GRAMD1B: variants seen among roughly 807,000 people sequenced by gnomAD.
GRAMD1B encodes the protein protein Aster-B.
GRAMD1B carries 37 observed loss-of-function variants against 99.7 expected under a neutral mutation model. The ratio of observed to expected loss-of-function variants is 0.37; its 90% CI spans 0.29 to 0.49. The LOEUF (loss-of-function observed/expected upper bound fraction) is 0.49. Ranked by LOEUF, GRAMD1B falls within the 20% of genes least tolerant of loss-of-function variation. The pLI, the probability that GRAMD1B is intolerant of heterozygous loss-of-function variation, is 0.98. For missense variants in GRAMD1B, 888 were observed against 1,009.2 expected, an observed-to-expected ratio of 0.88 and a Z score of 1.63; for synonymous variants, 427 against 387.6, an observed-to-expected ratio of 1.10 and a Z score of -1.19.
At chr11:123,524,083 T>A (rs115457608) in intron 2 of GRAMD1B, among the ~76,000 whole-genome samples, 2,257 of 152,272 alleles carry the variant, frequency 0.015, 58 homozygotes, top group African/African-American at 0.05. Flanking sequence ...CTGGACCACG[T>A]GGACATTGGA....
intron 2 of GRAMD1B, among the ~76,000 whole-genome samples, chr11:123,554,460 G>A: frequency 6.6e-6 from 1 of 151,192 alleles, no homozygotes; most frequent in East Asian, 1.9e-4. Flanking sequence ...CCGCCAAGGT[G>A]GGAGGATCGC....
intron 1 of GRAMD1B, among the ~76,000 whole-genome samples, chr11:123,359,453 G>A (rs1359608490): frequency 6.6e-6 from 1 of 152,068 alleles, no homozygotes; most frequent in Non-Finnish European, 1.5e-5. Context: ...GAAGGAATGA[G>A]AAGGTGTGGT....
At chr11:123,564,026 C>T (rs1177778089) in intron 2 of GRAMD1B, among the ~76,000 whole-genome samples, 1 of 152,192 alleles carries the variant, frequency 6.6e-6, no homozygotes, top group African/African-American at 2.4e-5. Context: ...GTTTGAATCC[C>T]AGCGGTCAGG....
intron 1 of GRAMD1B, among the ~76,000 whole-genome samples, chr11:123,442,724 C>G (rs192565571): frequency 1.3e-5 from 2 of 152,008 alleles, no homozygotes; most frequent in Admixed American, 1.3e-4. Context: ...GAGCCGAGAT[C>G]GCACCACTGC....
At chr11:123,378,899 G>A (rs1946779304) in intron 1 of GRAMD1B, among the ~76,000 whole-genome samples, 1 of 152,182 alleles carries the variant, frequency 6.6e-6, no homozygotes, top group Admixed American at 6.5e-5. Context: ...ACATCTAAAT[G>A]TAACAGGTGT....
At chr11:123,458,722 C>T (rs1950274309) in intron 1 of GRAMD1B, 1 of 148,750 alleles carries the variant, frequency 6.7e-6, no homozygotes, top group African/African-American at 2.5e-5. Flanking sequence ...CCTCTTCATA[C>T]TCCCCAATGT....
chr11:123,398,419 A>T (rs1947543985), intron 1 of GRAMD1B, among the ~76,000 whole-genome samples: 1 of 152,168 alleles, frequency 6.6e-6, no homozygotes, highest in Non-Finnish European at 1.5e-5. Flanking sequence ...CTAATCCTAA[A>T]TACCTCCCAA....
intron 2 of GRAMD1B, among the ~76,000 whole-genome samples, chr11:123,545,040 C>G (rs1257095883): frequency 6.6e-6 from 1 of 152,156 alleles, no homozygotes; most frequent in Non-Finnish European, 1.5e-5. Context: ...AGTGGGCTGT[C>G]TTTGGTCACA....
chr11:123,516,690 A>G (rs1941701888), intron 2 of GRAMD1B, among the ~76,000 whole-genome samples: 1 of 152,180 alleles, frequency 6.6e-6, no homozygotes, highest in Non-Finnish European at 1.5e-5. Flanking sequence ...TGGTATAATG[A>G]TTACAAACCT....
At chr11:123,569,154 G>A (rs931944265) in intron 2 of GRAMD1B, among the ~76,000 whole-genome samples, 6 of 152,120 alleles carry the variant, frequency 3.9e-5, no homozygotes, top group Non-Finnish European at 8.8e-5. Flanking sequence ...CAGTGAGAGG[G>A]TTGGACCTGA....
chr11:123,436,429 A>G (rs1591529551), intron 1 of GRAMD1B, among the ~76,000 whole-genome samples: 1 of 152,346 alleles, frequency 6.6e-6, no homozygotes, highest in East Asian at 1.9e-4. Context: ...GAATGTGGAA[A>G]AATGAAGGTG....
intron 2 of GRAMD1B, among the ~76,000 whole-genome samples, chr11:123,536,600 T>C (rs1943983653): frequency 1.3e-5 from 2 of 152,300 alleles, no homozygotes; most frequent in Admixed American, 6.5e-5. Context: ...TATTTAGCAC[T>C]ATATACAGAA....
intron 2 of GRAMD1B, among the ~76,000 whole-genome samples, chr11:123,561,688 A>C (rs1007779243): frequency 5.9e-5 from 9 of 152,198 alleles, no homozygotes; most frequent in Non-Finnish European, 1.0e-4. Flanking sequence ...TTGCTAGCAC[A>C]CTGTGCTCCG....
chr11:123,403,452 A>T (rs565976740), intron 1 of GRAMD1B, among the ~76,000 whole-genome samples: 1 of 49,490 alleles, frequency 2.0e-5, no homozygotes, highest in African/African-American at 9.8e-5. Context: ...GATGATGATA[A>T]TAATAATAAT....
chr11:123,590,918 C>T (rs1041041103), intron 4 of GRAMD1B, among the ~76,000 whole-genome samples: 1 of 152,184 alleles, frequency 6.6e-6, no homozygotes, highest in Non-Finnish European at 1.5e-5. Flanking sequence ...GGGTTAGACC[C>T]TGGACCCGGC....
intron 1 of GRAMD1B, among the ~76,000 whole-genome samples, chr11:123,464,951 G>C (rs983679419): frequency 6.6e-6 from 1 of 152,104 alleles, no homozygotes; most frequent in Non-Finnish European, 1.5e-5. Flanking sequence ...GAGGGTGTGG[G>C]AGGCGGGAAG....
chr11:123,435,047 CATTACT>C (rs1949098195), intron 1 of GRAMD1B, among the ~76,000 whole-genome samples: 1 of 152,170 alleles, frequency 6.6e-6, no homozygotes, highest in Admixed American at 6.5e-5. Context: ...AGGCTTATTT[CATTACT>C]CTGTGAGTCT....
intron 17 of GRAMD1B, chr11:123,618,302 TA>T: frequency 6.3e-7 from 1 of 1,594,938 alleles, no homozygotes; most frequent in Non-Finnish European, 8.6e-7. Context: ...TGCCTGTTTC[TA>T]ACCTCTGCCT....
At chr11:123,394,158 G>A (rs1947375762) in intron 1 of GRAMD1B, among the ~76,000 whole-genome samples, 1 of 152,184 alleles carries the variant, frequency 6.6e-6, no homozygotes, top group Non-Finnish European at 1.5e-5. Context: ...GCATGAACCA[G>A]ACATGTAAAT....
Sources: allele counts gnomAD v4.1 joint callset (sites outside exome capture counted in the v4.1 genomes callset), GRCh38; gene constraint gnomAD v4.1.1; transcripts MANE v1.5; gene names NCBI Gene and HGNC (gene_info 2026-07-23, HGNC 2026-07-21).